SPTBN2: variants seen among roughly 807,000 people sequenced by gnomAD.
The protein encoded by SPTBN2 is spectrin beta, non-erythrocytic 2.
SPTBN2 carries 107 observed loss-of-function variants against 284.2 expected under a neutral mutation model. The ratio of observed to expected loss-of-function variants is 0.38; its 90% CI spans 0.32 to 0.44. The LOEUF (loss-of-function observed/expected upper bound fraction) is 0.44. SPTBN2 is among the 20% of genes least tolerant of loss of function. The probability of loss-of-function intolerance (pLI) is 1.00; values close to 1 mark genes in which losing one functional copy is unlikely to be tolerated. For synonymous variants in SPTBN2, 1,289 were observed against 1,354.8 expected, an observed-to-expected ratio of 0.95 and a Z score of 1.07; for missense variants, 2,569 against 3,287.1, an observed-to-expected ratio of 0.78 and a Z score of 5.34.
rs538895599 is a variant in SPTBN2 at position 66,721,115 on chromosome 11, G to C, written c.126C>G (p.Leu42=). Residue 42 remains leucine, a synonymous_variant, in exon 3 of 38, where the codon CTC becomes CTG. Coordinates refer to ENST00000533211, the MANE Select transcript of SPTBN2 (RefSeq NM_006946.4). ...GAGCCTTAATGCGAGACCTCTCAAA[G>C]AGGCGGGCCGAGCTGCTGTCATTGT... ...DWDNDSSSAR[L]FERSRIKALA... is the part of the protein sequence containing the mutation. 3 of 1,614,170 alleles carry C rather than the reference G, an allele frequency of 1.9e-6. No individual in the cohort carries two copies. Among genetic ancestry groups the C allele is most frequent in the Non-Finnish European group, 1.7e-6 (2 of 1,180,024 alleles).
chr11:66,730,443 G>A (rs1444600882), upstream of SPTBN2, among the ~76,000 whole-genome samples: 1 of 152,090 alleles, frequency 6.6e-6, no homozygotes, highest in Non-Finnish European at 1.5e-5. Flanking sequence ...TTAGCCAGGC[G>A]TGGTGGTGGG....
intron 1 of SPTBN2, among the ~76,000 whole-genome samples, chr11:66,723,055 G>C (rs1429248452): frequency 1.3e-5 from 2 of 152,050 alleles, no homozygotes; most frequent in East Asian, 1.9e-4. Flanking sequence ...AACCGTCTTA[G>C]AGGCTCATCC....
Position 66,701,625 on chromosome 11 carries a change from G to A in SPTBN2, c.2775C>T (p.Gly925=). The change falls in exon 16 of 38, where the codon GGC becomes GGT. Residue 925 remains glycine, a synonymous_variant. Transcript: ENST00000533211. ...AEQLLKANPP[G]KDRIVNTQEQ... Reference sequence around the variant, plus strand: ...CCTGGGTGTTGACAATGCGGTCTTTGCCTGGGGGGTTGGCCTTCAGTAACT... The same window carrying A: ...CCTGGGTGTTGACAATGCGGTCTTTACCTGGGGGGTTGGCCTTCAGTAACT... The A allele has an allele frequency of 6.2e-7, 1 of 1,614,044 alleles. No individual in the cohort carries two copies. Among genetic ancestry groups the A allele is most frequent in the Non-Finnish European group, 8.5e-7 (1 of 1,180,034 alleles).
intron 1 of SPTBN2, among the ~76,000 whole-genome samples, chr11:66,741,657 G>C (rs752915585): frequency 1.3e-5 from 2 of 152,138 alleles, no homozygotes; most frequent in Non-Finnish European, 2.9e-5. Context: ...AAGCCTCCTT[G>C]GTTGGCCTAG....
chr11:66,733,821 A>G (rs1469962085), upstream of SPTBN2, among the ~76,000 whole-genome samples: 3 of 152,082 alleles, frequency 2.0e-5, no homozygotes, highest in Non-Finnish European at 4.4e-5. Context: ...TACTAAAAAT[A>G]CAAAAAATTA....
At position 66,689,058 on chromosome 11, in the gene SPTBN2, C is replaced by A. The variant is rs764835775; in HGVS notation, c.6034+38G>T. On this transcript the variant is annotated intron_variant, in intron 30 of 37. Coordinates refer to ENST00000533211, the MANE Select transcript of SPTBN2 (RefSeq NM_006946.4). ...AACCCACAGGGTGCAGGATGCCCCC[C>A]ACTCCCCACAGGGCCTGGGGCCCCC... The A allele has an allele frequency of 9.5e-6, 15 of 1,578,370 alleles. No homozygotes were observed. In the Admixed American group the frequency reaches 1.3e-4, roughly 13 times the overall value.
In SPTBN2 at chr11:66,687,206, C is replaced by T. The variant is rs748636753; in HGVS notation, c.6723-39G>A. The T allele has an allele frequency of 4.3e-6, 7 of 1,610,884 alleles. No individual in the cohort carries two copies. Among genetic ancestry groups the T allele is most frequent in the African/African-American group, 2.7e-5 (2 of 75,038 alleles). On this transcript the variant is annotated intron_variant, in intron 35 of 37. Transcript: ENST00000533211. The surrounding 1 kb of genome is among the most constrained non-coding windows in gnomAD (Gnocchi z 5.2). ...GGTGCTGACTGGCCGGCCTCAGTGG[C>T]GCCCGCAACCTGGAGCCCTCTTGGG...
Position 66,708,722 on chromosome 11 carries a change from G to A in SPTBN2, c.1191+180C>T, listed in dbSNP as rs962890535. ...GGGACAGGGAGCCGTGTGCCTGAGAGGATGGGAGAATCACATCTGGCACAG... is the reference window on the plus strand; with the variant it reads ...GGGACAGGGAGCCGTGTGCCTGAGAAGATGGGAGAATCACATCTGGCACAG... On this transcript the variant is annotated intron_variant, in intron 11 of 37. Coordinates refer to ENST00000533211, the MANE Select transcript of SPTBN2 (RefSeq NM_006946.4). The surrounding 1 kb of genome is among the most constrained non-coding windows in gnomAD (Gnocchi z 4.4). 2.6e-5 allele frequency among the ~76,000 whole-genome samples: 4 copies of A among 152,192 alleles called. No homozygotes were observed. Among genetic ancestry groups the A allele is most frequent in the African/African-American group, 9.7e-5 (4 of 41,446 alleles).
rs76318577 is a variant in SPTBN2 at position 66,715,516 on chromosome 11, C to T, written c.310-121G>A. On this transcript the variant is annotated intron_variant, in intron 4 of 37. Coordinates refer to ENST00000533211, the MANE Select transcript of SPTBN2 (RefSeq NM_006946.4). This position sits in a 1 kb window ranked among gnomAD's most constrained non-coding sequence, Gnocchi z 5.3. ...CCTACCTCAGGAACACAGACAGGCA[C>T]AGCCCCAGGGCTGGAGCCAAAGCTG... is the stretch of plus-strand genomic sequence containing the variant. 1.6e-3 allele frequency: 2,169 copies of T among 1,353,722 alleles called. 31 individuals are homozygous for T. In the African/African-American group the frequency reaches 0.027, roughly 17 times the overall value. 83.9% of individuals were successfully genotyped at this position (1,353,722 alleles called of 1,614,324 possible). A position where few individuals can be genotyped will look rare whatever the true frequency, so the allele number is the denominator to read the frequency against.
Position 66,705,358 on chromosome 11 carries a change from A to G in SPTBN2, c.1918T>C (p.Ser640Pro). The change falls in exon 15 of 38, where the codon TCA becomes CCA. Residue 640 changes from serine to proline, a missense_variant. By Grantham distance (74) the Ser-to-Pro change is moderately conservative. Coordinates refer to ENST00000533211, the MANE Select transcript of SPTBN2 (RefSeq NM_006946.4). The stretch of plus-strand genomic sequence containing the variant: ...CAGAGGAAACGCCAGAGCCGCCGTG[A>G]TTCCTCCAGCCGGGCCCGCCGCGCC... ...AAARRARLEE[S>P]RRLWRFLWEV... is the part of the protein sequence containing the mutation. 1.2e-6 allele frequency: 2 copies of G among 1,612,034 alleles called. No individual in the cohort carries two copies. The highest frequency in any genetic ancestry group is 8.5e-7 in the Non-Finnish European group (1 of 1,179,802).
Position 66,715,274 on chromosome 11 carries a change from C to T in SPTBN2, c.431G>A (p.Gly144Glu). The T allele has an allele frequency of 6.2e-7, 1 of 1,614,244 alleles. No individual in the cohort carries two copies. The highest frequency in any genetic ancestry group is 8.5e-7 in the Non-Finnish European group (1 of 1,180,048). Residue 144 changes from glycine to glutamate, a missense_variant, in exon 5 of 38, where the codon GGA becomes GAA. Gly to Glu is a moderately conservative substitution (Grantham distance 98). Transcript: ENST00000533211. This position sits in a 1 kb window ranked among gnomAD's most constrained non-coding sequence, Gnocchi z 5.3. Reference sequence around the variant, plus strand: ...CAGCCCAAGGGTCAGTCGGTGGTTTCCGTCCACAATGTCATGGGAGCCCAT... The same window carrying T: ...CAGCCCAAGGGTCAGTCGGTGGTTTTCGTCCACAATGTCATGGGAGCCCAT... ...ENMGSHDIVDGNHRLTLGLVW... is the reference protein window; with the variant it reads ...ENMGSHDIVDENHRLTLGLVW...
Position 66,705,410 on chromosome 11 carries a change from G to T in SPTBN2, c.1866C>A (p.Ser622Arg). The change falls in exon 15 of 38, where the codon AGC becomes AGA. Residue 622 changes from serine to arginine, a missense_variant. Ser to Arg is a moderately radical substitution (Grantham distance 110, BLOSUM62 -1). Coordinates refer to ENST00000533211, the MANE Select transcript of SPTBN2 (RefSeq NM_006946.4). ...CTGCCAACTCGCACAGTGCCTCATA[G>T]CTCTGCTCTAGCTTGGCCACCCGCT... ...VSERVAKLEQ[S>R]YEALCELAAA... The T allele has an allele frequency of 1.9e-6, 3 of 1,613,058 alleles. No individual in the cohort carries two copies. Among genetic ancestry groups the T allele is most frequent in the Non-Finnish European group, 2.5e-6 (3 of 1,180,026 alleles).
At chr11:66,714,219 T>A in intron 6 of SPTBN2, 48 bp from the exon 7 acceptor site, 8 of 1,609,546 alleles carry the variant, frequency 5.0e-6, no homozygotes, top group Non-Finnish European at 6.8e-6. Flanking sequence ...AGCTCTGTTC[T>A]ATGACTCCAG....
chr11:66,693,036 T>G lies in SPTBN2; in HGVS notation c.4919A>C (p.Tyr1640Ser). The change falls in exon 25 of 38, where the codon TAC (tyrosine) becomes TCC (serine). Residue 1640 changes from tyrosine (Y) to serine (S), a missense_variant. By Grantham distance (144) the Tyr-to-Ser change is moderately radical (BLOSUM62 -2). Coordinates refer to ENST00000533211, the MANE Select transcript of SPTBN2 (RefSeq NM_006946.4). The surrounding 1 kb of genome is among the most constrained non-coding windows in gnomAD (Gnocchi z 5.7). ...CGCCAGCTGGTGGATGGTCTGCGCG[T>G]AGTCGGCCAGGGCTTGCTCCAGCAC... ...HQVLEQALAD[Y>S]AQTIHQLAAS... The G allele has an allele frequency of 1.2e-6, 2 of 1,613,382 alleles. No individual in the cohort carries two copies. Among genetic ancestry groups the G allele is most frequent in the African/African-American group, 2.7e-5 (2 of 75,044 alleles).
At position 66,710,845 on chromosome 11, in the gene SPTBN2, C is replaced by T; in HGVS notation, c.885+72G>A. On this transcript the variant is annotated intron_variant, in intron 9 of 37. Coordinates refer to ENST00000533211, the MANE Select transcript of SPTBN2 (RefSeq NM_006946.4). The surrounding 1 kb of genome is among the most constrained non-coding windows in gnomAD (Gnocchi z 4.9). The stretch of plus-strand genomic sequence containing the variant: ...CCCAGTCCTGCAGCTCCACCCTGCC[C>T]TTGCACTAGGGCAGTAAGACCCCTC... The T allele has an allele frequency of 1.2e-6, 2 of 1,611,340 alleles. No individual in the cohort carries two copies. The highest frequency in any genetic ancestry group is 1.7e-6 in the Non-Finnish European group (2 of 1,178,062).
Position 66,687,152 on chromosome 11 carries a change from C to T in SPTBN2, c.6738G>A (p.Val2246=). Residue 2246 remains valine (V), a synonymous_variant, in exon 36 of 38, where the codon GTG becomes GTA. Coordinates refer to ENST00000533211, the MANE Select transcript of SPTBN2 (RefSeq NM_006946.4). The surrounding 1 kb of genome is among the most constrained non-coding windows in gnomAD (Gnocchi z 5.2). The part of the protein sequence containing the change: ...KKAANRSWQN[V]YCVLRRGSLG... Reference sequence around the variant, plus strand: ...GGCTCCCACGCCGCAGGACACAGTACACGTTCTGCCAGGACCTGCGAGGGA... The same window carrying T: ...GGCTCCCACGCCGCAGGACACAGTATACGTTCTGCCAGGACCTGCGAGGGA... The T allele has an allele frequency of 6.2e-7, 1 of 1,613,992 alleles. No individual in the cohort carries two copies. Among genetic ancestry groups the T allele is most frequent in the Non-Finnish European group, 8.5e-7 (1 of 1,180,036 alleles).
intron 7 of SPTBN2, 131 bp downstream of exon 7, chr11:66,713,959 TG>T: frequency 9.8e-7 from 1 of 1,023,458 alleles, no homozygotes; most frequent in South Asian, 1.3e-5. Flanking sequence ...CCCCATGTTC[TG>T]GTTCTGCTCC....
chr11:66,687,554 A>G lies in SPTBN2; in HGVS notation c.6595T>C (p.Ser2199Pro), dbSNP rs1940206062. ...PAPSAMPQSRSTESAHAATLP... is the reference protein window; with the variant it reads ...PAPSAMPQSRPTESAHAATLP... ...GTGGCAGCATGGGCTGACTCGGTAG[A>G]CCTGCTCTGGGGCATTGCAGATGGG... The change falls in exon 35 of 38, where the codon TCT becomes CCT. Residue 2199 changes from serine (S) to proline (P), a missense_variant. Coordinates refer to ENST00000533211, the MANE Select transcript of SPTBN2 (RefSeq NM_006946.4). This position sits in a 1 kb window ranked among gnomAD's most constrained non-coding sequence, Gnocchi z 5.2. 3 of 1,611,972 alleles carry G rather than the reference A, an allele frequency of 1.9e-6. No homozygotes were observed. The highest frequency in any genetic ancestry group is 2.5e-6 in the Non-Finnish European group (3 of 1,179,922).
intron 27 of SPTBN2, among the ~76,000 whole-genome samples, chr11:66,690,542 C>T (rs1940471287): frequency 1.3e-5 from 2 of 152,168 alleles, no homozygotes; most frequent in East Asian, 3.8e-4. Context: ...TTTCAGAGGC[C>T]TGTCTAGGAT....
Sources: gnomAD v4.1 joint callset for allele counts (sites outside exome capture counted in the v4.1 genomes callset) on GRCh38, gnomAD v4.1.1 for gene constraint, Gnocchi (gnomAD v3.1) non-coding constraint, MANE v1.5 for transcripts, NCBI Gene and HGNC (gene_info 2026-07-23, HGNC 2026-07-21) for gene names.